The following RUSF1 variants were observed in gnomAD, a reference collection of about 807,000 sequenced individuals.
RUSF1 encodes the protein RUS1 family protein C16orf58.
RUSF1 carries 58 observed loss-of-function variants against 63.0 expected under a neutral mutation model. The ratio of observed to expected loss-of-function variants is 0.92; its 90% CI spans 0.75 to 1.15. The LOEUF (loss-of-function observed/expected upper bound fraction) is 1.15, where lower values mean the gene tolerates loss of function less well. Among genes scored for constraint, RUSF1 ranks in the 50% most tolerant of loss-of-function variants. The pLI, the probability that RUSF1 is intolerant of heterozygous loss-of-function variation, is 0.00. For missense variants in RUSF1, 652 were observed against 611.0 expected (o/e 1.07, Z -0.71); for synonymous variants, 274 against 255.8 (o/e 1.07, Z -0.68).
intron 5 of RUSF1, among the ~76,000 whole-genome samples, chr16:31,498,251 T>C (rs1371287029): frequency 6.6e-6 from 1 of 152,080 alleles, no homozygotes; most frequent in Non-Finnish European, 1.5e-5. Flanking sequence ...CATTCCCTTG[T>C]TGGACAGATG....
At chr16:31,502,640 C>A (rs2082638490) in intron 2 of RUSF1, among the ~76,000 whole-genome samples, 1 of 152,256 alleles carries the variant, frequency 6.6e-6, no homozygotes. Context: ...CTACTGCCAT[C>A]TGGCCTGCTT....
At chr16:31,492,370 AG>A in intron 10 of RUSF1, 30 bp from the exon 11 acceptor site, 1 of 1,516,798 alleles carries the variant, frequency 6.6e-7, no homozygotes. Flanking sequence ...GACTGGTATC[AG>A]GGAAGGGCCA....
At chr16:31,496,406 C>T (rs574180410) in intron 6 of RUSF1, among the ~76,000 whole-genome samples, 5 of 152,294 alleles carry the variant, frequency 3.3e-5, no homozygotes, top group South Asian at 2.1e-4. Flanking sequence ...CTAATCCATG[C>T]GGAGTTCAGC....
At position 31,490,084 on chromosome 16, in the gene RUSF1, C is replaced by A. The variant is rs376197037; in HGVS notation, c.*751G>T. On this transcript the variant is annotated 3_prime_UTR_variant, in exon 13 of 13. Transcript: ENST00000327237. ...GGGGGGACAGAACTCCCACCTCGTT[C>A]GTGCTCCCACCCTCCCCAGCTCCAC... 1.2e-6 allele frequency: 2 copies of A among 1,612,872 alleles called. No homozygotes were observed. Among genetic ancestry groups the A allele is most frequent in the Admixed American group, 1.7e-5 (1 of 59,996 alleles).
intron 3 of RUSF1, among the ~76,000 whole-genome samples, chr16:31,500,285 G>A (rs1011985674): frequency 3.9e-5 from 6 of 152,192 alleles, no homozygotes; most frequent in Non-Finnish European, 7.3e-5. Context: ...TGAACACATG[G>A]CCTGGTTGAG....
intron 1 of RUSF1, 48 bp from the exon 2 acceptor site, chr16:31,507,926 G>C: frequency 6.5e-7 from 1 of 1,541,606 alleles, no homozygotes; most frequent in Non-Finnish European, 8.8e-7. Context: ...GGAGCGTGGC[G>C]GTCTAAGTGC....
At chr16:31,501,079 G>A (rs1466032576) in intron 2 of RUSF1, among the ~76,000 whole-genome samples, 1 of 152,120 alleles carries the variant, frequency 6.6e-6, no homozygotes, top group East Asian at 1.9e-4. Context: ...TTAAACTCTT[G>A]CATGAAAATA....
At chr16:31,506,151 G>GGCTGAGACAGTGAT (rs1463421649) in intron 2 of RUSF1, among the ~76,000 whole-genome samples, 2 of 152,186 alleles carry the variant, frequency 1.3e-5, no homozygotes, top group East Asian at 3.8e-4. Context: ...GTCCACGTGT[G>GGCTGAGACAGTGAT]GCTGAGACAG....
intron 2 of RUSF1, among the ~76,000 whole-genome samples, chr16:31,503,005 G>A (rs1422740257): frequency 6.6e-6 from 1 of 152,222 alleles, no homozygotes; most frequent in Non-Finnish European, 1.5e-5. Flanking sequence ...CCACCTGACA[G>A]AAAGGGAGCC....
chr16:31,506,512 T>G (rs530666589), intron 2 of RUSF1, among the ~76,000 whole-genome samples: 1 of 152,228 alleles, frequency 6.6e-6, no homozygotes, highest in African/African-American at 2.4e-5. Context: ...CCGGGCGCAG[T>G]GGCTCACGCC....
Position 31,492,178 on chromosome 16 carries a change from T to C in RUSF1, c.1231+19A>G, listed in dbSNP as rs374123216. The C allele has an allele frequency of 1.1e-5, 17 of 1,610,192 alleles. No individual in the cohort carries two copies. The African/African-American group carries it at 2.1e-4, about 20-fold the overall frequency. The stretch of plus-strand genomic sequence containing the variant: ...TCCCCACCCTGAGGCATCAGCAGTC[T>C]AAATCTTGAGGCACTTACCTGCCCG... On this transcript the variant is annotated intron_variant, in intron 11 of 12. Transcript: ENST00000327237.
At position 31,490,370 on chromosome 16, in the gene RUSF1, C is replaced by T; in HGVS notation, c.*465G>A. ...GCCTGCTCTGGTTTTGTGGAATGAGCAGAGGTGGGGTGGGCAGTCCTCCGC... is the reference window on the plus strand; with the variant it reads ...GCCTGCTCTGGTTTTGTGGAATGAGTAGAGGTGGGGTGGGCAGTCCTCCGC... On this transcript the variant is annotated 3_prime_UTR_variant, in exon 13 of 13. Transcript: ENST00000327237. The T allele has an allele frequency of 6.2e-7, 1 of 1,613,080 alleles. No homozygotes were observed. Among genetic ancestry groups the T allele is most frequent in the Non-Finnish European group, 8.5e-7 (1 of 1,179,636 alleles).
Position 31,496,835 on chromosome 16 carries a change from G to GCTCTGGCACTT in RUSF1, c.702+13_702+14insAAGTGCCAGAG. ...CTCCCCACTCCACGCCCTCCCTCCA[G>GCTCTGGCACTT]CTCTGGCACTCACCTGGCTGCTGTC... On this transcript the variant is annotated intron_variant, in intron 6 of 12. Transcript: ENST00000327237. 6.4e-7 allele frequency: 1 copy of GCTCTGGCACTT among 1,564,494 alleles called. No homozygotes were observed. The highest frequency in any genetic ancestry group is 8.7e-7 in the Non-Finnish European group (1 of 1,154,400).
intron 4 of RUSF1, 34 bp from the exon 5 acceptor site, chr16:31,499,441 A>G (rs1201068348): frequency 6.2e-7 from 1 of 1,613,196 alleles, no homozygotes; most frequent in Admixed American, 1.7e-5. Flanking sequence ...GGTCAGAGGT[A>G]GGAGACTTTC....
chr16:31,500,166 C>A (rs1266607038), intron 3 of RUSF1, among the ~76,000 whole-genome samples: 1 of 152,110 alleles, frequency 6.6e-6, no homozygotes, highest in Admixed American at 6.5e-5. Context: ...ATACTGCAGC[C>A]CCAGCCCAGC....
At chr16:31,505,972 C>T (rs543238817) in intron 2 of RUSF1, among the ~76,000 whole-genome samples, 24 of 152,318 alleles carry the variant, frequency 1.6e-4, no homozygotes, top group African/African-American at 4.8e-4. Flanking sequence ...TTCTGGTGAT[C>T]TGCTGTGCTG....
intron 9 of RUSF1, 29 bp downstream of exon 9, chr16:31,493,438 T>C: frequency 1.9e-6 from 3 of 1,573,254 alleles, no homozygotes; most frequent in East Asian, 2.4e-5. Flanking sequence ...GTGGCGGTGG[T>C]GACGAGCGGG....
intron 2 of RUSF1, among the ~76,000 whole-genome samples, chr16:31,501,253 G>C (rs1021478817): frequency 6.6e-6 from 1 of 152,178 alleles, no homozygotes; most frequent in African/African-American, 2.4e-5. Context: ...CTCTTAGGCT[G>C]GGCAGTTGGC....
chr16:31,498,573 T>C (rs1285238116), intron 5 of RUSF1, among the ~76,000 whole-genome samples: 1 of 152,204 alleles, frequency 6.6e-6, no homozygotes, highest in Non-Finnish European at 1.5e-5. Context: ...ATATGCTCTT[T>C]ACTGAACCAT....
Sources: allele counts gnomAD v4.1 joint callset (sites outside exome capture counted in the v4.1 genomes callset), GRCh38; gene constraint gnomAD v4.1.1; transcripts MANE v1.5; gene names NCBI Gene and HGNC (gene_info 2026-07-23, HGNC 2026-07-21).